TCF4: variants seen among roughly 807,000 people sequenced by gnomAD.
TCF4 encodes transcription factor 4.
Under a neutral mutation model 82.1 loss-of-function variants are expected in TCF4, and 3 were observed. The ratio of observed to expected loss-of-function variants is 0.04; its 90% CI spans 0.02 to 0.09. The LOEUF (loss-of-function observed/expected upper bound fraction) is 0.09, where lower values mean the gene tolerates loss of function less well. TCF4 is among the 10% of genes least tolerant of loss of function. The probability of loss-of-function intolerance (pLI) is 1.00; values close to 1 mark genes in which losing one functional copy is unlikely to be tolerated. For synonymous variants in TCF4, 276 were observed against 309.6 expected, an observed-to-expected ratio of 0.89 and a Z score of 1.14; for missense variants, 518 against 852.7, an observed-to-expected ratio of 0.61 and a Z score of 4.89.
rs538869463 is a variant in TCF4 at position 55,632,790 on chromosome 18, G to A, written c.196-1402C>T. Among the ~76,000 whole-genome samples, 52 of 152,342 alleles carry A rather than the reference G, an allele frequency of 3.4e-4. 1 individual carries two copies. The highest frequency in any genetic ancestry group is 2.9e-3 in the Admixed American group (45 of 15,302). On this transcript the variant is annotated intron_variant, in intron 1 of 20. Coordinates refer to the TCF4 transcript ENST00000398339. ...GACAAAGAAGTATCACAGAAGGCCA[G>A]AGTTGTAGTTTATGGATTAAGCTCA...
chr18:55,313,603 C>T (rs1437616037), intron 8 of TCF4, among the ~76,000 whole-genome samples: 1 of 152,032 alleles, frequency 6.6e-6, no homozygotes, highest in African/African-American at 2.4e-5. Flanking sequence ...ATTCTACTGG[C>T]TGAAGAAAGT....
At chr18:55,435,650 G>A (rs2147238309) in intron 5 of TCF4, among the ~76,000 whole-genome samples, 1 of 152,276 alleles carries the variant, frequency 6.6e-6, no homozygotes, top group African/African-American at 2.4e-5. Flanking sequence ...CCAGTGATGG[G>A]AAGGAGAAAT....
intron 6 of TCF4, among the ~76,000 whole-genome samples, chr18:55,402,798 C>T (rs960041711): frequency 1.3e-5 from 2 of 152,108 alleles, no homozygotes; most frequent in African/African-American, 2.4e-5. Flanking sequence ...ATGCAAAGTG[C>T]CCAGAGACAC....
chr18:55,306,839 T>C (rs997536252), intron 8 of TCF4, among the ~76,000 whole-genome samples: 1 of 152,170 alleles, frequency 6.6e-6, no homozygotes, highest in Non-Finnish European at 1.5e-5. Context: ...TCCTGTATTC[T>C]AGACAAAAAT....
intron 3 of TCF4, among the ~76,000 whole-genome samples, chr18:55,521,988 A>G (rs955283551): frequency 2.0e-5 from 3 of 152,190 alleles, no homozygotes; most frequent in African/African-American, 7.2e-5. Context: ...CTGGGGAAAC[A>G]GGGAAGCGGT....
intron 8 of TCF4, among the ~76,000 whole-genome samples, chr18:55,325,178 T>G (rs2076340610): frequency 6.6e-6 from 1 of 152,240 alleles, no homozygotes; most frequent in African/African-American, 2.4e-5. Flanking sequence ...AAGAGCTATA[T>G]TCAACCATTT....
Position 55,223,706 on chromosome 18 carries a change from TC to T in TCF4, c.*4328del, listed in dbSNP as rs2046179342. 1 of 106,300 alleles carries T rather than the reference TC, an allele frequency of 9.4e-6. No individual in the cohort carries two copies. Among genetic ancestry groups the T allele is most frequent in the Admixed American group, 8.7e-5 (1 of 11,538 alleles). 6.6% of individuals were successfully genotyped at this position (106,300 alleles called of 1,614,324 possible). ...CTTTTTTTTTTTTTTTGAAATGTTT[TC>T]CCTTTTTTTTTTTTTAACAATTTTT... On this transcript the variant is annotated 3_prime_UTR_variant, in exon 20 of 20. Transcript: ENST00000354452.
At chr18:55,499,694 A>G (rs903986531) in intron 3 of TCF4, among the ~76,000 whole-genome samples, 7 of 152,250 alleles carry the variant, frequency 4.6e-5, no homozygotes, top group African/African-American at 1.7e-4. Flanking sequence ...TATCCAGGCC[A>G]GATGGCCATA....
chr18:55,391,290 T>G (rs1218482606), intron 6 of TCF4, among the ~76,000 whole-genome samples: 4 of 152,190 alleles, frequency 2.6e-5, no homozygotes, highest in Non-Finnish European at 4.4e-5. Context: ...AGTGGCAGGG[T>G]GCAAGTTAAG....
At chr18:55,268,506 T>C (rs2059666617) in intron 11 of TCF4, 1 of 152,018 alleles carries the variant, frequency 6.6e-6, no homozygotes, top group Non-Finnish European at 1.5e-5. Context: ...TTGTAGAAGC[T>C]TGGTTAGGAA....
At chr18:55,569,800 T>A (rs1220826731) in intron 3 of TCF4, among the ~76,000 whole-genome samples, 1 of 152,188 alleles carries the variant, frequency 6.6e-6, no homozygotes, top group Non-Finnish European at 1.5e-5. Context: ...TGAGTAGAGA[T>A]AATCATTAAA....
At chr18:55,296,781 T>A (rs1056654837) in intron 8 of TCF4, among the ~76,000 whole-genome samples, 12 of 152,176 alleles carry the variant, frequency 7.9e-5, no homozygotes, top group Non-Finnish European at 1.8e-4. Flanking sequence ...TGCAATGTTA[T>A]TTTTGAGCTC....
At chr18:55,359,071 C>T (rs532221689) in intron 6 of TCF4, among the ~76,000 whole-genome samples, 2 of 152,162 alleles carry the variant, frequency 1.3e-5, no homozygotes, top group African/African-American at 4.8e-5. Flanking sequence ...GTATATAAGT[C>T]ATGCATAGAT....
chr18:55,631,447 A>T, intron 1 of TCF4: 1 of 1,515,822 alleles, frequency 6.6e-7, no homozygotes, highest in East Asian at 2.5e-5. Flanking sequence ...GACAAGTTAG[A>T]AGATGGTACT....
intron 2 of TCF4, among the ~76,000 whole-genome samples, chr18:55,596,654 C>T (rs1277314435): frequency 6.6e-6 from 1 of 152,036 alleles, no homozygotes; most frequent in Non-Finnish European, 1.5e-5. Flanking sequence ...GAGAAGAACA[C>T]GTTTCTTTAA....
chr18:55,288,513 A>G (rs936856630), intron 8 of TCF4, among the ~76,000 whole-genome samples: 1 of 152,204 alleles, frequency 6.6e-6, no homozygotes, highest in Admixed American at 6.5e-5. Flanking sequence ...GTTTTTAAGT[A>G]CTACAACCGT....
At chr18:55,340,558 T>G (rs2079690852) in intron 8 of TCF4, among the ~76,000 whole-genome samples, 1 of 124,964 alleles carries the variant, frequency 8.0e-6, no homozygotes, top group African/African-American at 3.1e-5. Context: ...TACTCCAACC[T>G]AGGTGACAGA....
intron 2 of TCF4, among the ~76,000 whole-genome samples, chr18:55,611,713 A>G (rs1202490780): frequency 6.6e-6 from 1 of 152,226 alleles, no homozygotes; most frequent in Non-Finnish European, 1.5e-5. Context: ...TTTATTGAAC[A>G]TAGTATATGC....
At chr18:55,569,031 TTC>T (rs2097434902) in intron 3 of TCF4, among the ~76,000 whole-genome samples, 4 of 152,126 alleles carry the variant, frequency 2.6e-5, no homozygotes, top group Admixed American at 2.0e-4. Context: ...TTTGATAAAA[TTC>T]AATACCTGTT....
Sources: gnomAD v4.1 joint callset for allele counts (sites outside exome capture counted in the v4.1 genomes callset) on GRCh38, gnomAD v4.1.1 for gene constraint, MANE v1.5 for transcripts, NCBI Gene and HGNC (gene_info 2026-07-23, HGNC 2026-07-21) for gene names.